VRK2: variants seen among roughly 807,000 people sequenced by gnomAD.
VRK2 encodes the protein serine/threonine-protein kinase VRK2.
In VRK2, 60 loss-of-function variants were observed where a neutral mutation model predicts 57.6. That is an observed-to-expected ratio of 1.04 (90% CI 0.85 to 1.29). The LOEUF is 1.29. Ranked by LOEUF, VRK2 falls within the 50% of genes most tolerant of loss-of-function variation. The probability of loss-of-function intolerance (pLI) is 0.00; values close to 1 mark genes in which losing one functional copy is unlikely to be tolerated. For synonymous variants in VRK2, 231 were observed against 199.2 expected (o/e 1.16, Z -1.35); for missense variants, 705 against 588.1 (o/e 1.20, Z -2.06).
At chr2:58,146,787 T>C (rs1177905705) in intron 12 of VRK2, among the ~76,000 whole-genome samples, 2 of 151,998 alleles carry the variant, frequency 1.3e-5, no homozygotes, top group Non-Finnish European at 2.9e-5. Flanking sequence ...TACTTTTACA[T>C]TGGTTCCTCA....
intron 1 of VRK2, among the ~76,000 whole-genome samples, chr2:57,938,704 C>T (rs1453469659): frequency 6.6e-6 from 1 of 151,990 alleles, no homozygotes; most frequent in Non-Finnish European, 1.5e-5. Context: ...CTCTCATAAA[C>T]AGAAGTTGTC....
rs1286903189 is a variant in VRK2 at position 58,159,768 on chromosome 2, GT to G, written c.*76del. ...ACCGAAATGTTGTATTCTTATTTCA[GT>G]GTTTCCTTCCAGACATTTTTAAGGT... On this transcript the variant is annotated 3_prime_UTR_variant, in exon 13 of 13. Coordinates refer to ENST00000340157, the MANE Select transcript of VRK2 (RefSeq NM_006296.7). 2 of 1,613,056 alleles carry G rather than the reference GT, an allele frequency of 1.2e-6. No individual in the cohort carries two copies. The highest frequency in any genetic ancestry group is 1.1e-5 in the South Asian group (1 of 90,998).
intron 12 of VRK2, among the ~76,000 whole-genome samples, chr2:58,157,852 G>T (rs931125518): frequency 6.6e-6 from 1 of 152,138 alleles, no homozygotes; most frequent in African/African-American, 2.4e-5. Flanking sequence ...AGCCCACATA[G>T]ACAATACATA....
At chr2:58,137,042 A>T (rs1263888091) in intron 10 of VRK2, among the ~76,000 whole-genome samples, 1 of 129,962 alleles carries the variant, frequency 7.7e-6, no homozygotes, top group East Asian at 2.1e-4. Context: ...TATATCATAT[A>T]TAATATATAT....
chr2:58,097,023 T>C (rs1216577865), intron 7 of VRK2, among the ~76,000 whole-genome samples: 1 of 152,054 alleles, frequency 6.6e-6, no homozygotes, highest in East Asian at 1.9e-4. Context: ...TATTATGATA[T>C]TGTTTATAAT....
At chr2:57,964,541 A>G (rs954703915) in intron 1 of VRK2, among the ~76,000 whole-genome samples, 12 of 152,118 alleles carry the variant, frequency 7.9e-5, no homozygotes, top group Non-Finnish European at 1.8e-4. Context: ...GGACTCATGC[A>G]GTGCAAAACT....
At chr2:57,994,126 G>A (rs1439423824) in intron 1 of VRK2, among the ~76,000 whole-genome samples, 1 of 152,104 alleles carries the variant, frequency 6.6e-6, no homozygotes, top group Non-Finnish European at 1.5e-5. Flanking sequence ...AATGTCGATG[G>A]ATGCTTCTAT....
rs1443224147 is a variant in VRK2 at position 57,934,251 on chromosome 2, G to A, written c.-439+26412G>A. ...GTTTCATACTTTCATATATTTTTAT[G>A]TTACTAATAACTGCCCTTGAATCAG... On this transcript the variant is annotated intron_variant, in intron 1 of 15. Transcript: ENST00000417641. Among the ~76,000 whole-genome samples, 5 of 152,072 alleles carry A rather than the reference G, an allele frequency of 3.3e-5. No homozygotes were observed. In the East Asian group the frequency reaches 7.7e-4, roughly 23 times the overall value.
intron 1 of VRK2, among the ~76,000 whole-genome samples, chr2:57,966,194 T>G (rs72808481): frequency 0.12 from 18,938 of 152,198 alleles, 1,256 homozygotes; most frequent in East Asian, 0.18. Context: ...GCCTTGTACA[T>G]GTTCCCCTTG....
chr2:58,104,867 G>C (rs1674517499), intron 7 of VRK2, among the ~76,000 whole-genome samples: 1 of 151,924 alleles, frequency 6.6e-6, no homozygotes, highest in Non-Finnish European at 1.5e-5. Flanking sequence ...TAGACACATA[G>C]ATCAGTGGAA....
intron 1 of VRK2, among the ~76,000 whole-genome samples, chr2:57,993,473 C>T (rs993104166): frequency 4.0e-5 from 6 of 150,474 alleles, no homozygotes; most frequent in African/African-American, 1.5e-4. Flanking sequence ...CATGTCCCTG[C>T]TCTGCTTTAA....
intron 2 of VRK2, chr2:58,033,213 T>C (rs1040244170): frequency 1.9e-4 from 29 of 152,120 alleles, no homozygotes; most frequent in African/African-American, 7.0e-4. Flanking sequence ...CACTCCTTTC[T>C]TTCTCTCATT....
intron 1 of VRK2, among the ~76,000 whole-genome samples, chr2:58,023,803 T>C (rs971097807): frequency 6.6e-6 from 1 of 152,108 alleles, no homozygotes; most frequent in African/African-American, 2.4e-5. Flanking sequence ...GCTGCTAAGA[T>C]GGGTCAGCTG....
intron 7 of VRK2, among the ~76,000 whole-genome samples, chr2:58,112,002 G>A (rs1240122292): frequency 1.3e-5 from 2 of 152,134 alleles, no homozygotes; most frequent in Non-Finnish European, 2.9e-5. Flanking sequence ...GCTTTAGGGT[G>A]TATAAAAATA....
At chr2:58,036,134 A>C (rs1674266294) in intron 3 of VRK2, among the ~76,000 whole-genome samples, 1 of 152,002 alleles carries the variant, frequency 6.6e-6, no homozygotes, top group African/African-American at 2.4e-5. Flanking sequence ...AATTTTATCT[A>C]ATTGCTTATT....
At chr2:58,068,178 C>T (rs1668884419) in intron 2 of VRK2, among the ~76,000 whole-genome samples, 1 of 152,144 alleles carries the variant, frequency 6.6e-6, no homozygotes, top group Non-Finnish European at 1.5e-5. Context: ...GATCTGTCCA[C>T]CTTGGCCTCC....
At chr2:57,990,289 A>C (rs923832374) in intron 1 of VRK2, among the ~76,000 whole-genome samples, 8 of 152,196 alleles carry the variant, frequency 5.3e-5, no homozygotes, top group Non-Finnish European at 1.0e-4. Context: ...CGTGAACTTT[A>C]ACACTCTTAG....
At chr2:58,115,639 G>C (rs2104440831) in intron 7 of VRK2, among the ~76,000 whole-genome samples, 1 of 152,322 alleles carries the variant, frequency 6.6e-6, no homozygotes, top group South Asian at 2.1e-4. Context: ...AGGAGTTGTT[G>C]TTTTGTAAGG....
Position 58,135,175 on chromosome 2 carries a change from T to A in VRK2, c.832T>A (p.Trp278Arg), listed in dbSNP as rs748050076. The A allele has an allele frequency of 1.1e-5, 18 of 1,614,222 alleles. No individual in the cohort carries two copies. The highest frequency in any genetic ancestry group is 1.4e-5 in the Non-Finnish European group (17 of 1,180,028). ...LDELPQSVLKWAPSGSSCCEI... is the reference protein window; with the variant it reads ...LDELPQSVLKRAPSGSSCCEI... Reference sequence around the variant, plus strand: ...CGAGCTCCCCCAGTCAGTGCTTAAATGGGCTCCTTCTGGAAGCAGTTGCTG... The same window carrying A: ...CGAGCTCCCCCAGTCAGTGCTTAAAAGGGCTCCTTCTGGAAGCAGTTGCTG... The change falls in exon 10 of 13, where the codon TGG becomes AGG. Residue 278 changes from tryptophan to arginine, a missense_variant. By Grantham distance (101) the Trp-to-Arg change is moderately radical (BLOSUM62 -3). Coordinates refer to ENST00000340157, the MANE Select transcript of VRK2 (RefSeq NM_006296.7).
Sources: allele counts gnomAD v4.1 joint callset (sites outside exome capture counted in the v4.1 genomes callset), GRCh38; gene constraint gnomAD v4.1.1; transcripts MANE v1.5; gene names NCBI Gene and HGNC (gene_info 2026-07-23, HGNC 2026-07-21).